PDE11A: variants seen among roughly 807,000 people sequenced by gnomAD.
PDE11A encodes dual 3',5'-cyclic-AMP and -GMP phosphodiesterase 11A.
Under a neutral mutation model 100.5 loss-of-function variants are expected in PDE11A, and 100 were observed. That is an observed-to-expected ratio of 1.00 (90% CI 0.85 to 1.18). PDE11A has a LOEUF of 1.18. PDE11A is among the 50% of genes most tolerant of loss of function. The pLI is 0.00. For missense variants in PDE11A, 1,141 were observed against 1,152.6 expected (o/e 0.99, Z 0.15); for synonymous variants, 381 against 420.8 (o/e 0.91, Z 1.16).
Position 177,680,832 on chromosome 2 carries a change from A to G in PDE11A, c.2417T>C (p.Ile806Thr). 6.4e-7 allele frequency: 1 copy of G among 1,560,296 alleles called. No individual in the cohort carries two copies. Among genetic ancestry groups the G allele is most frequent in the South Asian group, 1.1e-5 (1 of 89,484 alleles). Reference sequence around the variant, plus strand: ...AACAAGAGCTTTTTCTTACCGAAATATATCACGATGGTTTTTGATGTTCCA... The same window carrying G: ...AACAAGAGCTTTTTCTTACCGAAATGTATCACGATGGTTTTTGATGTTCCA... ...YDWNIKNHRDIFRSMLMTACD... is the reference protein window; with the variant it reads ...YDWNIKNHRDTFRSMLMTACD... The change falls in exon 16 of 20, where the codon ATA (isoleucine) becomes ACA (threonine). Residue 806 changes from isoleucine to threonine, a missense_variant. Ile to Thr is a moderately conservative substitution (Grantham distance 89). Transcript: ENST00000286063.
chr2:177,754,372 A>G (rs1032005597), intron 10 of PDE11A, among the ~76,000 whole-genome samples: 2 of 152,154 alleles, frequency 1.3e-5, no homozygotes, highest in Non-Finnish European at 2.9e-5. Flanking sequence ...ACAAAAAACA[A>G]AAAAACTCAA....
intron 2 of PDE11A, among the ~76,000 whole-genome samples, chr2:177,926,264 G>T (rs2085123413): frequency 6.6e-6 from 1 of 152,058 alleles, no homozygotes; most frequent in Non-Finnish European, 1.5e-5. Flanking sequence ...TTTATCATCT[G>T]TACTTCTACT....
intron 2 of PDE11A, among the ~76,000 whole-genome samples, chr2:177,913,834 T>C (rs2084915451): frequency 6.6e-6 from 1 of 152,178 alleles, no homozygotes; most frequent in South Asian, 2.1e-4. Flanking sequence ...TGCTGTCAAC[T>C]TTCTTACAAA....
intron 6 of PDE11A, among the ~76,000 whole-genome samples, chr2:177,839,304 T>C (rs16865818): frequency 0.023 from 3,486 of 152,268 alleles, 60 homozygotes; most frequent in East Asian, 0.075. Flanking sequence ...TCAATTTCTG[T>C]AAAATGGGAA....
intron 3 of PDE11A, among the ~76,000 whole-genome samples, chr2:177,903,935 A>T (rs13003683): frequency 0.14 from 21,647 of 152,216 alleles, 1,768 homozygotes; most frequent in African/African-American, 0.23. Flanking sequence ...GAAGATCAAA[A>T]CAGAGAAAAG....
intron 9 of PDE11A, among the ~76,000 whole-genome samples, chr2:177,795,193 C>T (rs541722961): frequency 6.6e-6 from 1 of 152,148 alleles, no homozygotes; most frequent in Admixed American, 6.5e-5. Flanking sequence ...TCTGATGGGG[C>T]CAAATTTGGA....
At position 177,729,857 on chromosome 2, in the gene PDE11A, T is replaced by C. The variant is rs573376239; in HGVS notation, c.1789-1685A>G. ...TGTAAGCCCTTTTCTTTTTTCCCCC[T>C]TTTTTTTTCCAGTGTATCTATTACA... On this transcript the variant is annotated intron_variant, in intron 10 of 19. Coordinates refer to ENST00000286063, the MANE Select transcript of PDE11A (RefSeq NM_016953.4). Among the ~76,000 whole-genome samples, 455 of 112,562 alleles carry C rather than the reference T, an allele frequency of 4.0e-3. 2 individuals carry two copies. The highest frequency in any genetic ancestry group is 0.014 in the African/African-American group (432 of 29,910). The allele number at this position is 112,562 out of a possible 152,430, so 73.8% of individuals were successfully genotyped here.
intron 2 of PDE11A, among the ~76,000 whole-genome samples, chr2:178,092,075 G>T (rs1463883809): frequency 1.3e-5 from 2 of 151,978 alleles, no homozygotes; most frequent in African/African-American, 4.8e-5. Flanking sequence ...TTTTTAAAAA[G>T]TTGCTTTAAG....
At chr2:178,082,551 G>A (rs951518826) in intron 2 of PDE11A, among the ~76,000 whole-genome samples, 1 of 152,122 alleles carries the variant, frequency 6.6e-6, no homozygotes, top group Non-Finnish European at 1.5e-5. Context: ...AGGGCAAAGG[G>A]AACAGGAATT....
At chr2:177,964,603 A>G (rs1383440948) in intron 2 of PDE11A, among the ~76,000 whole-genome samples, 2 of 152,044 alleles carry the variant, frequency 1.3e-5, no homozygotes, top group African/African-American at 2.4e-5. Flanking sequence ...TATGTTCTCA[A>G]TGTTTAGCTT....
At chr2:177,647,408 G>A (rs773908597) in intron 19 of PDE11A, among the ~76,000 whole-genome samples, 1 of 152,056 alleles carries the variant, frequency 6.6e-6, no homozygotes, top group African/African-American at 2.4e-5. Flanking sequence ...AATGGTGCTC[G>A]GTGTAAGTCA....
chr2:178,075,835 G>A (rs2087201423), upstream of PDE11A, among the ~76,000 whole-genome samples: 2 of 152,256 alleles, frequency 1.3e-5, no homozygotes, highest in South Asian at 2.1e-4. Context: ...AATAATGGAA[G>A]AGGTCCCACT....
At chr2:177,790,039 CTTTAAAGTTCAT>C (rs2082605818) in intron 9 of PDE11A, among the ~76,000 whole-genome samples, 2 of 152,144 alleles carry the variant, frequency 1.3e-5, no homozygotes, top group Admixed American at 6.5e-5. Context: ...GAAAAAACTA[CTTTAAAGTTCAT>C]ATGGAACCAA....
rs1405225618 is a variant in PDE11A, at chr2:177,818,017, T to G, written c.1577-92A>C. 4.1e-6 allele frequency: 3 copies of G among 734,402 alleles called. No individual in the cohort carries two copies. The African/African-American group carries it at 5.2e-5, about 13-fold the overall frequency. The allele number at this position is 734,402 out of a possible 1,614,324, so 45.5% of individuals were successfully genotyped here. ...GCCACAGCTAACTCTATGCCTTTTT[T>G]AAGGAACTGCACTCAGTTTAAACTC... On this transcript the variant is annotated intron_variant, in intron 7 of 19. Transcript: ENST00000286063.
chr2:177,990,778 G>C (rs907654673), intron 2 of PDE11A, among the ~76,000 whole-genome samples: 1 of 142,972 alleles, frequency 7.0e-6, no homozygotes, highest in South Asian at 2.4e-4. Context: ...GGGTAGCGTG[G>C]TGGCTCATGC....
chr2:177,771,313 T>A (rs999387174), intron 9 of PDE11A, among the ~76,000 whole-genome samples: 1 of 152,224 alleles, frequency 6.6e-6, no homozygotes, highest in African/African-American at 2.4e-5. Context: ...TTAGGTAACA[T>A]TAAACTGGTA....
intron 10 of PDE11A, among the ~76,000 whole-genome samples, chr2:177,763,377 T>C (rs896303076): frequency 6.6e-5 from 10 of 152,180 alleles, no homozygotes; most frequent in African/African-American, 1.9e-4. Context: ...AGGTAATCTT[T>C]TAAACAACCT....
At chr2:177,634,512 C>G (rs11682717) in intron 19 of PDE11A, among the ~76,000 whole-genome samples, 93,541 of 151,518 alleles carry the variant, frequency 0.62, 32,583 homozygotes, top group Non-Finnish European at 0.75. Context: ...CTCAGCTTCC[C>G]GAGCAGCTCG....
At chr2:177,769,619 G>T (rs761746651) in intron 9 of PDE11A, among the ~76,000 whole-genome samples, 18 of 152,166 alleles carry the variant, frequency 1.2e-4, no homozygotes, top group Non-Finnish European at 4.4e-5. Context: ...CAGGTGCAGT[G>T]CTTCGCGCCT....
Sources: allele counts gnomAD v4.1 joint callset (sites outside exome capture counted in the v4.1 genomes callset), GRCh38; gene constraint gnomAD v4.1.1; transcripts MANE v1.5; gene names NCBI Gene and HGNC (gene_info 2026-07-23, HGNC 2026-07-21).